The following RELN variants were observed in gnomAD, a reference collection of about 807,000 sequenced individuals.
RELN encodes reelin.
RELN carries 108 observed loss-of-function variants against 427.6 expected under a neutral mutation model. That is an observed-to-expected ratio of 0.25 (90% CI 0.22 to 0.30). The LOEUF (loss-of-function observed/expected upper bound fraction) is 0.30. Ranked by LOEUF, RELN falls within the 10% of genes least tolerant of loss-of-function variation. RELN has a pLI of 1.00. For missense variants in RELN, 3,715 were observed against 4,302.8 expected (o/e 0.86, Z 3.82); for synonymous variants, 1,524 against 1,513.4 (o/e 1.01, Z -0.16).
intron 27 of RELN, among the ~76,000 whole-genome samples, chr7:103,590,733 CA>C (rs2117242290): frequency 6.6e-6 from 1 of 152,230 alleles, no homozygotes; most frequent in East Asian, 1.9e-4. Context: ...ATAGGATTAA[CA>C]ACATTTAAAA....
intron 6 of RELN, among the ~76,000 whole-genome samples, chr7:103,730,793 C>T (rs1265657239): frequency 6.6e-6 from 1 of 152,144 alleles, no homozygotes; most frequent in Non-Finnish European, 1.5e-5. Context: ...CACAGTCTGA[C>T]TGGGTTTGTC....
At position 103,897,292 on chromosome 7, in the gene RELN, T is replaced by C. The variant is rs543239276; in HGVS notation, c.337+19783A>G. Reference sequence around the variant, plus strand: ...ATATAAAACCATGCAAATATAACTGTTGAAACAGCAATTTCTTTCATCAAA... The same window carrying C: ...ATATAAAACCATGCAAATATAACTGCTGAAACAGCAATTTCTTTCATCAAA... On this transcript the variant is annotated intron_variant, in intron 2 of 64. Coordinates refer to ENST00000428762, the MANE Select transcript of RELN (RefSeq NM_005045.4). 4.6e-5 allele frequency among the ~76,000 whole-genome samples: 7 copies of C among 152,214 alleles called. No homozygotes were observed. In the East Asian group the frequency reaches 1.2e-3, roughly 25 times the overall value.
chr7:103,975,492 T>C (rs981490529), intron 1 of RELN, among the ~76,000 whole-genome samples: 1 of 151,844 alleles, frequency 6.6e-6, no homozygotes, highest in Non-Finnish European at 1.5e-5. Flanking sequence ...CAAGGGGATA[T>C]GGGTCCTGGG....
chr7:103,909,501 G>T (rs1795290955), intron 2 of RELN, among the ~76,000 whole-genome samples: 1 of 148,262 alleles, frequency 6.7e-6, no homozygotes, highest in African/African-American at 2.5e-5. Context: ...AATTCACTCG[G>T]GAGGCTGAGG....
intron 9 of RELN, among the ~76,000 whole-genome samples, chr7:103,700,346 C>T (rs923391010): frequency 2.0e-5 from 3 of 152,014 alleles, no homozygotes; most frequent in Non-Finnish European, 4.4e-5. Context: ...CTCAAGCATC[C>T]TACCTTATTT....
At chr7:103,970,229 G>A (rs528831062) in intron 1 of RELN, among the ~76,000 whole-genome samples, 143 of 146,190 alleles carry the variant, frequency 9.8e-4, no homozygotes, top group African/African-American at 3.2e-3. Flanking sequence ...GGCAACCTCC[G>A]CCTCCAGGGT....
intron 1 of RELN, among the ~76,000 whole-genome samples, chr7:103,971,235 T>A (rs1002935675): frequency 2.0e-5 from 3 of 150,650 alleles, no homozygotes; most frequent in Non-Finnish European, 4.4e-5. Flanking sequence ...CCAGAGATCA[T>A]ACTATTACAC....
chr7:103,607,655 C>G (rs1002953023), intron 22 of RELN, among the ~76,000 whole-genome samples: 1 of 152,188 alleles, frequency 6.6e-6, no homozygotes, highest in Non-Finnish European at 1.5e-5. Context: ...ATTTTTCCTT[C>G]CCATATAACT....
At position 103,989,439 on chromosome 7, in the gene RELN, C is replaced by T. The variant is rs1391059359; in HGVS notation, c.-83G>A. On this transcript the variant is annotated 5_prime_UTR_variant, in exon 1 of 65. In the 5' UTR this introduces an upstream ATG that the reference lacks. Transcript: ENST00000428762. This position sits in a 1 kb window ranked among gnomAD's most constrained non-coding sequence, Gnocchi z 4.9. ...TGGAGACGCCGGGACGGAGGAGCCA[C>T]GCGGAGAGAAGGCGAGAAGAAGGCG... 2 of 1,211,556 alleles carry T rather than the reference C, an allele frequency of 1.7e-6. No homozygotes were observed. The highest frequency in any genetic ancestry group is 2.1e-6 in the Non-Finnish European group (2 of 934,112). 75.1% of individuals were successfully genotyped at this position (1,211,556 alleles called of 1,614,324 possible). A position where few individuals can be genotyped will look rare whatever the true frequency, so the allele number is the denominator to read the frequency against.
At chr7:103,833,395 T>A in intron 3 of RELN, 142 bp downstream of exon 3, 1 of 868,550 alleles carries the variant, frequency 1.2e-6, no homozygotes. Flanking sequence ...AGTTTTTACC[T>A]TTTTTGGCAA....
chr7:103,773,135 TC>T (rs1791621984), intron 4 of RELN, among the ~76,000 whole-genome samples: 1 of 99,612 alleles, frequency 1.0e-5, no homozygotes, highest in African/African-American at 3.5e-5. Flanking sequence ...TTTCTTTCTT[TC>T]TTTCTTTCTT....
At chr7:103,658,931 C>T (rs1371358778) in intron 12 of RELN, among the ~76,000 whole-genome samples, 2 of 151,808 alleles carry the variant, frequency 1.3e-5, no homozygotes, top group African/African-American at 2.4e-5. Context: ...TGTTTATGTT[C>T]TTTCTCAGTC....
rs183979198 is a variant in RELN, at chr7:103,846,856, C to G, written c.338-13184G>C. On this transcript the variant is annotated intron_variant, in intron 2 of 64. Transcript: ENST00000428762. ...CACTGGTCATTACAGAAATGCAAAT[C>G]AAAGCCACAGTGCGATGCCATCTCA... 1.4e-3 allele frequency among the ~76,000 whole-genome samples: 206 copies of G among 149,260 alleles called. 1 individual carries two copies. The highest frequency in any genetic ancestry group is 5.0e-3 in the African/African-American group (203 of 40,198).
chr7:103,711,833 A>AT (rs1219430379), intron 8 of RELN, among the ~76,000 whole-genome samples: 1 of 151,826 alleles, frequency 6.6e-6, no homozygotes, highest in African/African-American at 2.4e-5. Context: ...ATTTTTTTGT[A>AT]TTTTTTGTAG....
In RELN at chr7:103,575,879, C is replaced by CT. The variant is rs574006371; in HGVS notation, c.4146-175dup. Among the ~76,000 whole-genome samples the CT allele has an allele frequency of 1.8e-3, 281 of 152,010 alleles. 2 individuals carry two copies. The highest frequency in any genetic ancestry group is 6.5e-3 in the African/African-American group (271 of 41,448). On this transcript the variant is annotated intron_variant, in intron 28 of 64. Coordinates refer to ENST00000428762, the MANE Select transcript of RELN (RefSeq NM_005045.4). ...CTCTCAGACCTTTCTCTCTCTCTCT[C>CT]TTTTTTTTCTTTTTTTGAGACAGCA...
At chr7:103,497,765 T>A (rs982362215) in intron 55 of RELN, 55 bp downstream of exon 55, 110 of 1,402,500 alleles carry the variant, frequency 7.8e-5, no homozygotes, top group Non-Finnish European at 1.0e-4. Context: ...TCTGAGGGTG[T>A]TGGATGGAAT....
intron 1 of RELN, among the ~76,000 whole-genome samples, chr7:103,935,476 T>C (rs1795961111): frequency 6.6e-6 from 1 of 152,146 alleles, no homozygotes; most frequent in African/African-American, 2.4e-5. Flanking sequence ...TTTTATTGGC[T>C]GATACCTCCC....
chr7:103,624,884 T>TA (rs1046559490), intron 20 of RELN, among the ~76,000 whole-genome samples: 5 of 152,108 alleles, frequency 3.3e-5, no homozygotes, highest in African/African-American at 4.8e-5. Context: ...AAGCTTTAAT[T>TA]AAAAAAAATA....
Position 103,535,322 on chromosome 7 carries a change from T to A in RELN, c.7343A>T (p.Tyr2448Phe). Reference sequence around the variant, plus strand: ...CATGTAGAAGCATTCTTACCTGGTATAAGGAGGGAGAGGCAGAGTGATTCT... The same window carrying A: ...CATGTAGAAGCATTCTTACCTGGTAAAAGGAGGGAGAGGCAGAGTGATTCT... ...WTRITLPLPP[Y>F]TRSQATRFRW... Residue 2448 changes from tyrosine to phenylalanine, a missense_variant, in exon 46 of 65, where the codon TAT becomes TTT. Around this residue, in one of 4 missense-constraint regions of RELN, gnomAD observed 1,310 missense variants for 1,643.0 expected, o/e 0.80. Coordinates refer to ENST00000428762, the MANE Select transcript of RELN (RefSeq NM_005045.4). The A allele has an allele frequency of 6.2e-7, 1 of 1,613,962 alleles. No homozygotes were observed. Among genetic ancestry groups the A allele is most frequent in the Non-Finnish European group, 8.5e-7 (1 of 1,179,902 alleles).
Sources: allele counts gnomAD v4.1 joint callset (sites outside exome capture counted in the v4.1 genomes callset), GRCh38; gene constraint gnomAD v4.1.1; regional missense constraint gnomAD v4.1.1; non-coding constraint Gnocchi (gnomAD v3.1); transcripts MANE v1.5; gene names NCBI Gene and HGNC (gene_info 2026-07-23, HGNC 2026-07-21).